Variants in SPIDR observed in about 807,000 individuals in gnomAD.
SPIDR encodes the protein scaffold protein involved in DNA repair.
SPIDR carries 93 observed loss-of-function variants against 104.6 expected under a neutral mutation model. The observed-to-expected ratio is 0.89, with a 90% CI of 0.75 to 1.06. The LOEUF is 1.06. Ranked by LOEUF, SPIDR falls within the 50% of genes least tolerant of loss-of-function variation. The probability of loss-of-function intolerance (pLI) is 0.00; values close to 1 mark genes in which losing one functional copy is unlikely to be tolerated. For missense variants in SPIDR, 1,154 were observed against 1,111.2 expected (o/e 1.04, Z -0.55); for synonymous variants, 431 against 416.9 (o/e 1.03, Z -0.41).
chr8:47,275,459 A>G (rs1201257583), intron 1 of SPIDR, among the ~76,000 whole-genome samples: 5 of 152,154 alleles, frequency 3.3e-5, no homozygotes, highest in Admixed American at 6.5e-5. Flanking sequence ...TGTTTGAAAA[A>G]TAGGTAAGAA....
intron 1 of SPIDR, among the ~76,000 whole-genome samples, chr8:47,269,563 T>G (rs2034842894): frequency 6.7e-6 from 1 of 149,942 alleles, no homozygotes; most frequent in Admixed American, 6.6e-5. Flanking sequence ...GCCAACCATG[T>G]CTCTTAAAAA....
At chr8:47,645,321 T>C (rs182429081) in intron 10 of SPIDR, among the ~76,000 whole-genome samples, 2 of 152,102 alleles carry the variant, frequency 1.3e-5, no homozygotes, top group Admixed American at 1.3e-4. Flanking sequence ...AAAAATCAGA[T>C]GTGGGATGAT....
At chr8:47,707,211 C>T (rs1215288291) in intron 14 of SPIDR, among the ~76,000 whole-genome samples, 4 of 150,726 alleles carry the variant, frequency 2.7e-5, no homozygotes, top group Admixed American at 6.6e-5. Flanking sequence ...CAAGATCGCT[C>T]CATTGCACTC....
intron 10 of SPIDR, among the ~76,000 whole-genome samples, chr8:47,638,473 C>G (rs1216195655): frequency 6.6e-6 from 1 of 152,116 alleles, no homozygotes; most frequent in Non-Finnish European, 1.5e-5. Context: ...AGAGTTGATA[C>G]TAGCATTGGT....
chr8:47,676,729 C>G (rs2076497802), intron 11 of SPIDR, among the ~76,000 whole-genome samples: 1 of 152,160 alleles, frequency 6.6e-6, no homozygotes, highest in Non-Finnish European at 1.5e-5. Flanking sequence ...TTAGATCTGG[C>G]CTACCAGATC....
chr8:47,309,895 C>T (rs587623391), intron 5 of SPIDR, among the ~76,000 whole-genome samples: 3 of 151,776 alleles, frequency 2.0e-5, no homozygotes, highest in South Asian at 2.1e-4. Flanking sequence ...AAAAATTAGC[C>T]GGACATGGTG....
intron 6 of SPIDR, among the ~76,000 whole-genome samples, chr8:47,398,033 G>A (rs1230794821): frequency 6.6e-6 from 1 of 152,168 alleles, no homozygotes; most frequent in Non-Finnish European, 1.5e-5. Context: ...AGGGCACAGA[G>A]ATCCATTTGT....
At chr8:47,269,685 C>T (rs1274741599) in intron 1 of SPIDR, among the ~76,000 whole-genome samples, 2 of 152,136 alleles carry the variant, frequency 1.3e-5, no homozygotes, top group East Asian at 1.9e-4. Context: ...GCTAGAACCT[C>T]CAGTCAAATA....
chr8:47,414,693 G>A (rs968037535), intron 7 of SPIDR, among the ~76,000 whole-genome samples: 3 of 152,266 alleles, frequency 2.0e-5, no homozygotes, highest in Non-Finnish European at 2.9e-5. Flanking sequence ...TGCATGGTAC[G>A]AATGTGCCAC....
intron 10 of SPIDR, among the ~76,000 whole-genome samples, chr8:47,655,769 C>T (rs1160184339): frequency 2.0e-5 from 3 of 152,108 alleles, no homozygotes; most frequent in Non-Finnish European, 2.9e-5. Flanking sequence ...GTTGCCATTG[C>T]TTTTGGTGTT....
rs868914366 is a variant in SPIDR at position 47,457,056 on chromosome 8, A to G, written c.1097+16514A>G. 7.9e-5 allele frequency among the ~76,000 whole-genome samples: 12 copies of G among 152,260 alleles called. No individual in the cohort carries two copies. The South Asian group carries it at 1.9e-3, about 24-fold the overall frequency. ...CATTTTTGCAATTGCAAATTGTGCC[A>G]CTATAAACATGCATGTGCCAGTATT... On this transcript the variant is annotated intron_variant, in intron 8 of 19. Transcript: ENST00000297423.
At chr8:47,335,179 T>C (rs1216726000) in intron 5 of SPIDR, among the ~76,000 whole-genome samples, 1 of 152,206 alleles carries the variant, frequency 6.6e-6, no homozygotes, top group Non-Finnish European at 1.5e-5. Flanking sequence ...AAAAATAAAA[T>C]TTTACTGTCT....
intron 8 of SPIDR, among the ~76,000 whole-genome samples, chr8:47,581,163 A>G (rs565249415): frequency 1.6e-4 from 25 of 152,242 alleles, no homozygotes; most frequent in African/African-American, 2.6e-4. Flanking sequence ...TATTCTTTCT[A>G]TTGCAGCACC....
intron 1 of SPIDR, among the ~76,000 whole-genome samples, 194 bp downstream of exon 1, chr8:47,261,185 T>G (rs1401042643): frequency 6.6e-6 from 1 of 152,066 alleles, no homozygotes; most frequent in Non-Finnish European, 1.5e-5. Context: ...CAGGTCCGGC[T>G]CCGGTCCAGG....
intron 5 of SPIDR, among the ~76,000 whole-genome samples, chr8:47,375,669 T>A (rs2058583378): frequency 6.6e-6 from 1 of 152,174 alleles, no homozygotes; most frequent in Non-Finnish European, 1.5e-5. Context: ...TCTGGCTGTG[T>A]TGCATAGGCT....
chr8:47,365,460 G>C (rs2154291927), intron 5 of SPIDR, among the ~76,000 whole-genome samples: 1 of 152,298 alleles, frequency 6.6e-6, no homozygotes, highest in Non-Finnish European at 1.5e-5. Flanking sequence ...AGCAACATGG[G>C]AAGGTTTCTT....
At chr8:47,398,662 G>T (rs1251589471) in intron 6 of SPIDR, among the ~76,000 whole-genome samples, 1 of 152,184 alleles carries the variant, frequency 6.6e-6, no homozygotes, top group Non-Finnish European at 1.5e-5. Flanking sequence ...TGGGTCTGCA[G>T]TCCACGGGCA....
chr8:47,285,690 T>C (rs1554562652), intron 3 of SPIDR, among the ~76,000 whole-genome samples: 6 of 152,218 alleles, frequency 3.9e-5, no homozygotes, highest in Admixed American at 1.3e-4. Context: ...TTTCACCTTA[T>C]AAGGATTTCA....
intron 10 of SPIDR, among the ~76,000 whole-genome samples, chr8:47,623,171 C>T (rs990595089): frequency 1.3e-5 from 2 of 152,142 alleles, no homozygotes; most frequent in African/African-American, 4.8e-5. Flanking sequence ...TGATTTACCA[C>T]AGACAAGCAA....
Sources: allele counts gnomAD v4.1 joint callset (sites outside exome capture counted in the v4.1 genomes callset), GRCh38; gene constraint gnomAD v4.1.1; transcripts MANE v1.5; gene names NCBI Gene and HGNC (gene_info 2026-07-23, HGNC 2026-07-21).